Variants in TSNARE1 observed in about 807,000 individuals in gnomAD.
TSNARE1 encodes t-SNARE domain containing 1.
TSNARE1 carries 49 observed loss-of-function variants against 62.0 expected under a neutral mutation model. The ratio of observed to expected loss-of-function variants is 0.79; its 90% CI spans 0.63 to 1.00. TSNARE1 has a LOEUF of 1.00. TSNARE1 is among the 50% of genes least tolerant of loss of function. The probability of loss-of-function intolerance (pLI) is 0.00; values close to 1 mark genes in which losing one functional copy is unlikely to be tolerated. For synonymous variants in TSNARE1, 328 were observed against 294.4 expected (o/e 1.11, Z -1.17); for missense variants, 755 against 700.1 (o/e 1.08, Z -0.88).
At chr8:142,257,929 TA>T (rs1322648324) in intron 12 of TSNARE1, among the ~76,000 whole-genome samples, 1 of 152,052 alleles carries the variant, frequency 6.6e-6, no homozygotes, top group Non-Finnish European at 1.5e-5. Context: ...TGAGCACGCA[TA>T]CGCACACAAC....
intron 13 of TSNARE1, among the ~76,000 whole-genome samples, chr8:142,220,381 C>T (rs1045522650): frequency 1.6e-4 from 24 of 152,198 alleles, no homozygotes; most frequent in African/African-American, 5.8e-4. Context: ...CTGCCCTCAG[C>T]GGTGGTCCTC....
intron 12 of TSNARE1, among the ~76,000 whole-genome samples, chr8:142,231,893 G>A (rs1424127264): frequency 6.6e-6 from 1 of 152,228 alleles, no homozygotes; most frequent in Non-Finnish European, 1.5e-5. Context: ...GGAGTTACCT[G>A]TGCCCTGTAT....
At chr8:142,239,043 AC>A (rs2130169216) in intron 12 of TSNARE1, among the ~76,000 whole-genome samples, 1 of 152,196 alleles carries the variant, frequency 6.6e-6, no homozygotes, top group African/African-American at 2.4e-5. Flanking sequence ...GTGCAGATGC[AC>A]CAGCTGGGCC....
rs762375962 is a variant in TSNARE1, at chr8:142,315,008, G to A, written c.1069C>T (p.Gln357Ter). ...TGCCCCCACCAGCACCTCACCTTCT[G>A]CACCACTCCATAGCACTGAATGGCA... is the stretch of plus-strand genomic sequence containing the variant. The part of the protein sequence containing the change: ...SDAIQCYGVV[Q>*]KKIAEKSRAL... Residue 357 changes from glutamine to a stop codon, truncating the protein, a stop_gained, in exon 8 of 14, where the codon CAG becomes TAG. Coordinates refer to ENST00000524325, the MANE Select transcript of TSNARE1 (RefSeq NM_145003.5). LOFTEE classifies it high-confidence loss of function. The A allele has an allele frequency of 1.5e-5, 25 of 1,613,922 alleles. No homozygotes were observed. The highest frequency in any genetic ancestry group is 2.0e-5 in the Non-Finnish European group (24 of 1,179,992).
chr8:142,267,009 C>T (rs951897734), intron 12 of TSNARE1, among the ~76,000 whole-genome samples: 4 of 152,168 alleles, frequency 2.6e-5, no homozygotes, highest in African/African-American at 7.2e-5. Flanking sequence ...TTTCACAGAT[C>T]GGCCTAATCA....
At chr8:142,302,401 G>A (rs1165526366) in intron 9 of TSNARE1, among the ~76,000 whole-genome samples, 4 of 152,160 alleles carry the variant, frequency 2.6e-5, no homozygotes, top group African/African-American at 7.2e-5. Flanking sequence ...GGGCTGTGCC[G>A]GTCCCGATGC....
chr8:142,370,622 C>T (rs1373456431), intron 1 of TSNARE1, among the ~76,000 whole-genome samples: 3 of 151,714 alleles, frequency 2.0e-5, no homozygotes, highest in Non-Finnish European at 4.4e-5. Flanking sequence ...GAGAACACTA[C>T]AGAAAATAAA....
rs1173232868 is a variant in TSNARE1 at position 142,346,226 on chromosome 8, G to A, written c.89-334C>T. Among the ~76,000 whole-genome samples, 7 of 152,200 alleles carry A rather than the reference G, an allele frequency of 4.6e-5. No individual in the cohort carries two copies. The South Asian group carries it at 1.2e-3, about 27-fold the overall frequency. Reference sequence around the variant, plus strand: ...CCAGTCAGCAACAAAGTACAAAATGGGAAGTGCGGCTCCAGCATCGTTTAA... The same window carrying A: ...CCAGTCAGCAACAAAGTACAAAATGAGAAGTGCGGCTCCAGCATCGTTTAA... On this transcript the variant is annotated intron_variant, in intron 2 of 13. Coordinates refer to ENST00000524325, the MANE Select transcript of TSNARE1 (RefSeq NM_145003.5).
intron 1 of TSNARE1, among the ~76,000 whole-genome samples, chr8:142,388,134 AAT>A (rs1217234279): frequency 8.5e-5 from 13 of 152,196 alleles, no homozygotes; most frequent in Admixed American, 3.3e-4. Context: ...TCACTATATT[AAT>A]ATGTCTTAAG....
intron 12 of TSNARE1, among the ~76,000 whole-genome samples, chr8:142,256,578 T>C (rs796631732): frequency 7.7e-4 from 83 of 107,824 alleles, no homozygotes; most frequent in African/African-American, 2.7e-3. Context: ...ATCACCATCA[T>C]CACCACCATC....
chr8:142,360,646 G>A (rs1413028830), intron 1 of TSNARE1, among the ~76,000 whole-genome samples: 2 of 152,174 alleles, frequency 1.3e-5, no homozygotes, highest in Admixed American at 6.5e-5. Context: ...CAGCCTGAAG[G>A]GAGCCGTCTG....
At chr8:142,386,289 G>A (rs1837107303) in intron 1 of TSNARE1, among the ~76,000 whole-genome samples, 1 of 152,070 alleles carries the variant, frequency 6.6e-6, no homozygotes, top group South Asian at 2.1e-4. Flanking sequence ...ATCACAGAAG[G>A]TACTTAATAA....
chr8:142,372,874 G>C (rs1169173895), intron 1 of TSNARE1, among the ~76,000 whole-genome samples: 20 of 149,414 alleles, frequency 1.3e-4, no homozygotes. Context: ...GCCTCCTCCT[G>C]AGAAGGCCAC....
chr8:142,300,910 G>C (rs1480370886), intron 9 of TSNARE1, among the ~76,000 whole-genome samples: 3 of 152,294 alleles, frequency 2.0e-5, no homozygotes, highest in Non-Finnish European at 2.9e-5. Flanking sequence ...GGTCCCAAGT[G>C]GGGGTGTAGG....
At chr8:142,257,629 G>C (rs1460948614) in intron 12 of TSNARE1, among the ~76,000 whole-genome samples, 3 of 152,104 alleles carry the variant, frequency 2.0e-5, no homozygotes, top group Non-Finnish European at 2.9e-5. Flanking sequence ...TTGGGAAGGT[G>C]CTTCAAGCTG....
At position 142,274,829 on chromosome 8, in the gene TSNARE1, C is replaced by A. The variant is rs767133533; in HGVS notation, c.1398G>T (p.Ser466=). The A allele has an allele frequency of 1.3e-6, 2 of 1,580,048 alleles. No individual in the cohort carries two copies. Among genetic ancestry groups the A allele is most frequent in the Non-Finnish European group, 1.7e-6 (2 of 1,163,790 alleles). Residue 466 remains serine (S), a synonymous_variant, in exon 12 of 14, where the codon TCG becomes TCT. Transcript: ENST00000524325. ...SIEASLEAAS[S]HAEAARQLLA... is the part of the protein sequence containing the mutation. ...GGAGCTGGCGGGCTGCCTCCGCATG[C>A]GAGGACGCAGCCTCAAGGCTGGCTT...
At chr8:142,299,479 G>A (rs1825315753) in intron 10 of TSNARE1, among the ~76,000 whole-genome samples, 1 of 152,244 alleles carries the variant, frequency 6.6e-6, no homozygotes. Context: ...AGGAAGGGAA[G>A]GACGTTCAAG....
At chr8:142,274,047 C>T (rs573239540) in intron 12 of TSNARE1, 30 of 985,236 alleles carry the variant, frequency 3.0e-5, no homozygotes, top group East Asian at 1.1e-4. Flanking sequence ...GCTTCTTCTG[C>T]GCTCCCACCG....
At chr8:142,285,758 G>A (rs193186777) in intron 10 of TSNARE1, among the ~76,000 whole-genome samples, 24 of 152,210 alleles carry the variant, frequency 1.6e-4, no homozygotes, top group African/African-American at 3.9e-4. Context: ...CCTCCACCCC[G>A]GCATACTGTG....
Sources: allele counts gnomAD v4.1 joint callset (sites outside exome capture counted in the v4.1 genomes callset), GRCh38; gene constraint gnomAD v4.1.1; transcripts MANE v1.5; gene names NCBI Gene and HGNC (gene_info 2026-07-23, HGNC 2026-07-21).